YY1AP1: variants seen among roughly 807,000 people sequenced by gnomAD.
The protein encoded by YY1AP1 is YY1 associated protein 1.
Under a neutral mutation model 39.9 loss-of-function variants are expected in YY1AP1, and 43 were observed. The ratio of observed to expected loss-of-function variants is 1.08; its 90% CI spans 0.84 to 1.39. The LOEUF (loss-of-function observed/expected upper bound fraction) is 1.39. YY1AP1 is among the 40% of genes most tolerant of loss of function. YY1AP1 has a pLI of 0.00. For missense variants in YY1AP1, 813 were observed against 900.7 expected (o/e 0.90, Z 1.25); for synonymous variants, 292 against 331.3 (o/e 0.88, Z 1.29).
intron 9 of YY1AP1, among the ~76,000 whole-genome samples, chr1:155,666,995 G>A (rs899657454): frequency 6.6e-6 from 1 of 151,638 alleles, no homozygotes; most frequent in Non-Finnish European, 1.5e-5. Context: ...GACAGATTCT[G>A]TCTCAAAAAA....
chr1:155,666,729 G>A (rs1324031487), intron 9 of YY1AP1, among the ~76,000 whole-genome samples: 1 of 152,124 alleles, frequency 6.6e-6, no homozygotes, highest in Non-Finnish European at 1.5e-5. Context: ...GCCAGGCACA[G>A]AGGCTCACGC....
intron 2 of YY1AP1, among the ~76,000 whole-genome samples, chr1:155,683,237 G>T (rs979146674): frequency 2.0e-5 from 3 of 152,138 alleles, no homozygotes; most frequent in Admixed American, 2.0e-4. Flanking sequence ...AGAGGAGAAG[G>T]GATCTTGTTT....
chr1:155,678,707 G>C (rs995577154), intron 4 of YY1AP1, among the ~76,000 whole-genome samples: 1 of 152,144 alleles, frequency 6.6e-6, no homozygotes, highest in Non-Finnish European at 1.5e-5. Flanking sequence ...GCTTTCAGAT[G>C]GAACCCAAGC....
intron 9 of YY1AP1, among the ~76,000 whole-genome samples, chr1:155,663,955 A>C (rs780891957): frequency 1.1e-4 from 17 of 150,668 alleles, no homozygotes; most frequent in Non-Finnish European, 2.5e-4. Flanking sequence ...CAGGACGAGC[A>C]CTTGAGGCCA....
chr1:155,677,328 T>C (rs1650842669), intron 4 of YY1AP1, among the ~76,000 whole-genome samples: 1 of 152,200 alleles, frequency 6.6e-6, no homozygotes, highest in African/African-American at 2.4e-5. Context: ...TTTAAATTCC[T>C]CTTCCAAGGT....
chr1:155,668,750 A>T lies in YY1AP1; in HGVS notation c.756T>A (p.Phe252Leu), dbSNP rs779980818. The T allele has an allele frequency of 1.9e-5, 31 of 1,614,102 alleles. No individual in the cohort carries two copies. The highest frequency in any genetic ancestry group is 2.6e-5 in the Non-Finnish European group (31 of 1,180,044). Residue 252 changes from phenylalanine (F) to leucine (L), a missense_variant, in exon 9 of 11, where the codon TTT (phenylalanine) becomes TTA (leucine). Phe to Leu is a conservative substitution (Grantham distance 22). This residue lies in a region of YY1AP1 where 586 missense variants were observed against 647.4 expected (regional missense o/e 0.91). Transcript: ENST00000355499. ...GAGGGTTAAGAAACTCAGTCCCTTC[A>T]AAATGCTTCAGTCCTAAAGCTAACA... ...DNLLALGLKH[F>L]EGTEFLNPLI...
intron 2 of YY1AP1, among the ~76,000 whole-genome samples, chr1:155,681,467 A>T (rs554315081): frequency 1.6e-4 from 24 of 152,332 alleles, no homozygotes; most frequent in African/African-American, 5.8e-4. Context: ...ACATGCATAT[A>T]GTCCCATATA....
In YY1AP1 at chr1:155,660,847, T is replaced by A. The variant is rs751867012; in HGVS notation, c.1063A>T (p.Met355Leu). 3.7e-6 allele frequency: 6 copies of A among 1,614,112 alleles called. No homozygotes were observed. In the African/African-American group the frequency reaches 4.0e-5, roughly 11 times the overall value. Residue 355 changes from methionine to leucine, a missense_variant, in exon 11 of 11, where the codon ATG becomes TTG. Physicochemically the swap from Met to Leu is conservative, Grantham distance 15. Around this residue, in one of 3 missense-constraint regions of YY1AP1, gnomAD observed 586 missense variants for 647.4 expected, o/e 0.91. Transcript: ENST00000355499. ...MADGAREVGN[M>L]TGTTEINSDQ... ...GAGTTGATCTCAGTGGTTCCAGTCA[T>A]ATTTCCTACCTCTCTAGCACCATCA...
Position 155,676,618 on chromosome 1 carries a change from C to A in YY1AP1, c.254G>T (p.Cys85Phe). 2 of 1,614,174 alleles carry A rather than the reference C, an allele frequency of 1.2e-6. No individual in the cohort carries two copies. Among genetic ancestry groups the A allele is most frequent in the Non-Finnish European group, 1.7e-6 (2 of 1,180,042 alleles). ...AATCAGGGTCTGATGAACTTCCTTA[C>A]ACTGGGGTTTAACCTTCTCTACCTC... ...QKEVEKVKPQCKEVHQTLILD... is the reference protein window; with the variant it reads ...QKEVEKVKPQFKEVHQTLILD... Residue 85 changes from cysteine (C) to phenylalanine (F), a missense_variant, in exon 5 of 11, where the codon TGT (cysteine) becomes TTT (phenylalanine). This residue lies in a region of YY1AP1 where 196 missense variants were observed against 189.7 expected (regional missense o/e 1.03). Transcript: ENST00000355499.
chr1:155,687,993 G>A, intron 2 of YY1AP1, 78 bp downstream of exon 2: 1 of 1,452,894 alleles, frequency 6.9e-7, no homozygotes, highest in Non-Finnish European at 9.3e-7. Flanking sequence ...GGAGATGACA[G>A]TGGCTCCCAG....
intron 2 of YY1AP1, among the ~76,000 whole-genome samples, chr1:155,680,887 A>G (rs532014862): frequency 4.9e-4 from 73 of 149,828 alleles, no homozygotes; most frequent in African/African-American, 1.7e-3. Context: ...CATTTATTCA[A>G]AAACATTTAT....
intron 7 of YY1AP1, 49 bp from the exon 8 acceptor site, chr1:155,670,513 G>A: frequency 6.2e-7 from 1 of 1,606,544 alleles, no homozygotes; most frequent in Non-Finnish European, 8.5e-7. Flanking sequence ...AAAAAAGAGG[G>A]CTTCAAAAAG....
chr1:155,686,193 G>A (rs1205185873), intron 2 of YY1AP1, among the ~76,000 whole-genome samples: 1 of 151,404 alleles, frequency 6.6e-6, no homozygotes, highest in Non-Finnish European at 1.5e-5. Context: ...CCGCCACCAC[G>A]CCCGGCTAAT....
chr1:155,673,316 G>A (rs1000029561), intron 6 of YY1AP1, among the ~76,000 whole-genome samples: 3 of 151,952 alleles, frequency 2.0e-5, no homozygotes, highest in African/African-American at 7.3e-5. Flanking sequence ...ACCCGACCAG[G>A]ACCATTACTT....
intron 2 of YY1AP1, among the ~76,000 whole-genome samples, chr1:155,687,554 A>G (rs1652644788): frequency 2.1e-5 from 3 of 141,360 alleles, no homozygotes; most frequent in Admixed American, 1.3e-4. Context: ...CCAACAGACC[A>G]TCTGTCTGCT....
intron 9 of YY1AP1, among the ~76,000 whole-genome samples, chr1:155,666,093 T>G (rs1287472251): frequency 1.3e-5 from 2 of 151,788 alleles, no homozygotes; most frequent in Non-Finnish European, 2.9e-5. Flanking sequence ...GTAACATAGC[T>G]GAGCTGTGAA....
At chr1:155,687,269 GACC>G (rs1011029640) in intron 2 of YY1AP1, among the ~76,000 whole-genome samples, 1 of 149,958 alleles carries the variant, frequency 6.7e-6, no homozygotes, top group African/African-American at 2.5e-5. Context: ...CTATTCTTAA[GACC>G]ACAACTGGCT....
chr1:155,685,966 T>C (rs1184786369), intron 2 of YY1AP1, among the ~76,000 whole-genome samples: 1 of 151,466 alleles, frequency 6.6e-6, no homozygotes, highest in Non-Finnish European at 1.5e-5. Context: ...GCTTAGTTCA[T>C]GCATTCTTAC....
rs151172022 is a variant in YY1AP1 at position 155,668,688 on chromosome 1, C to T, written c.818G>A (p.Arg273His). The T allele has an allele frequency of 2.2e-5, 35 of 1,613,926 alleles. No homozygotes were observed. The highest frequency in any genetic ancestry group is 3.3e-5 in the Admixed American group (2 of 59,970). The change falls in exon 9 of 11, where the codon CGC (arginine) becomes CAC (histidine). Residue 273 changes from arginine to histidine, a missense_variant. Around this residue, in one of 3 missense-constraint regions of YY1AP1, gnomAD observed 586 missense variants for 647.4 expected, o/e 0.91. Transcript: ENST00000355499. ...SKYLLTCKTA[R>H]QLTVRIKNLN... Reference sequence around the variant, plus strand: ...GTTCTTGATTCTCACTGTCAGTTGGCGGGCAGTCTTGCAGGTTAGAAGGTA... The same window carrying T: ...GTTCTTGATTCTCACTGTCAGTTGGTGGGCAGTCTTGCAGGTTAGAAGGTA...
Sources: gnomAD v4.1 joint callset for allele counts (sites outside exome capture counted in the v4.1 genomes callset) on GRCh38, gnomAD v4.1.1 for gene constraint, gnomAD v4.1.1 regional missense constraint, MANE v1.5 for transcripts, NCBI Gene and HGNC (gene_info 2026-07-23, HGNC 2026-07-21) for gene names.